PCDHAC1: variants seen among roughly 807,000 people sequenced by gnomAD.
PCDHAC1 encodes protocadherin alpha-C1.
In PCDHAC1, 42 loss-of-function variants were observed where a neutral mutation model predicts 60.0. The observed-to-expected ratio is 0.70, with a 90% CI of 0.55 to 0.90. The LOEUF (loss-of-function observed/expected upper bound fraction) is 0.90. Ranked by LOEUF, PCDHAC1 falls within the 40% of genes least tolerant of loss-of-function variation. PCDHAC1 has a pLI of 0.00. For missense variants in PCDHAC1, 1,160 were observed against 1,222.3 expected, an observed-to-expected ratio of 0.95 and a Z score of 0.76; for synonymous variants, 468 against 499.3, an observed-to-expected ratio of 0.94 and a Z score of 0.84.
intron 1 of PCDHAC1, among the ~76,000 whole-genome samples, chr5:140,956,672 G>A (rs571890845): frequency 1.3e-5 from 2 of 152,242 alleles, no homozygotes; most frequent in Admixed American, 1.3e-4. Context: ...AAAGGAGTTA[G>A]GGAGGAGTAC....
At chr5:140,993,123 C>G (rs925185301) in intron 3 of PCDHAC1, among the ~76,000 whole-genome samples, 1 of 152,180 alleles carries the variant, frequency 6.6e-6, no homozygotes, top group African/African-American at 2.4e-5. Context: ...ACATCAATTT[C>G]CTTCTGTTGC....
chr5:140,985,357 C>T (rs577732404), intron 3 of PCDHAC1, among the ~76,000 whole-genome samples: 1 of 152,298 alleles, frequency 6.6e-6, no homozygotes, highest in East Asian at 1.9e-4. Flanking sequence ...TATAGACCCT[C>T]TGAGGTTATC....
chr5:140,972,294 C>T (rs944183626), intron 1 of PCDHAC1, among the ~76,000 whole-genome samples: 14 of 151,458 alleles, frequency 9.2e-5, no homozygotes, highest in South Asian at 2.1e-4. Context: ...TGTGCGCCAC[C>T]GTGTCTGACT....
chr5:140,982,154 G>A (rs1304368371), intron 2 of PCDHAC1, among the ~76,000 whole-genome samples: 3 of 152,210 alleles, frequency 2.0e-5, no homozygotes, highest in East Asian at 1.9e-4. Flanking sequence ...CTTCAGTATC[G>A]AGATGTTAAA....
intron 1 of PCDHAC1, among the ~76,000 whole-genome samples, chr5:140,947,889 A>G (rs1275614644): frequency 1.3e-5 from 2 of 151,626 alleles, no homozygotes; most frequent in Non-Finnish European, 3.0e-5. Flanking sequence ...CAATATAAAC[A>G]GAAGTGGTGA....
intron 1 of PCDHAC1, among the ~76,000 whole-genome samples, chr5:140,965,140 TG>T (rs1191631396): frequency 2.0e-5 from 3 of 152,150 alleles, no homozygotes; most frequent in Non-Finnish European, 4.4e-5. Flanking sequence ...GACAGAATAC[TG>T]GGAGATGAAG....
chr5:140,994,017 T>C (rs2153920554), intron 3 of PCDHAC1, among the ~76,000 whole-genome samples: 1 of 152,336 alleles, frequency 6.6e-6, no homozygotes, highest in South Asian at 2.1e-4. Flanking sequence ...TTCTAGGTGA[T>C]GCAGATATAA....
chr5:141,006,789 CT>C (rs2098288759), intron 3 of PCDHAC1, among the ~76,000 whole-genome samples: 2 of 152,026 alleles, frequency 1.3e-5, no homozygotes, highest in Admixed American at 6.5e-5. Flanking sequence ...GAATAATTAG[CT>C]TTGAACTTTC....
At chr5:141,006,188 A>C (rs1319299509) in intron 3 of PCDHAC1, among the ~76,000 whole-genome samples, 2 of 150,182 alleles carry the variant, frequency 1.3e-5, no homozygotes, top group Admixed American at 6.7e-5. Flanking sequence ...AGAGTTTGCT[A>C]TATGTATGTT....
chr5:141,006,872 G>T (rs1211849672), intron 3 of PCDHAC1, among the ~76,000 whole-genome samples: 1 of 152,144 alleles, frequency 6.6e-6, no homozygotes, highest in Non-Finnish European at 1.5e-5. Flanking sequence ...ATAGATTCGA[G>T]GAATCAAGAG....
rs202032784 is a variant in PCDHAC1, at chr5:140,927,180, C to T, written c.288C>T (p.Thr96=). The change falls in exon 1 of 4, where the codon ACC becomes ACT. Residue 96 remains threonine (T), a synonymous_variant. Coordinates refer to ENST00000253807, the MANE Select transcript of PCDHAC1 (RefSeq NM_018898.5). ...LCRAKAACVL[T]YDLVLEDPLE... ...GGGCCAAAGCTGCCTGCGTCTTGAC[C>T]TACGACCTGGTGCTCGAGGACCCGC... is the stretch of plus-strand genomic sequence containing the variant. 5 of 1,614,048 alleles carry T rather than the reference C, an allele frequency of 3.1e-6. No homozygotes were observed. The South Asian group carries it at 3.3e-5, about 11-fold the overall frequency.
chr5:140,992,465 C>G (rs1554252929), intron 3 of PCDHAC1, among the ~76,000 whole-genome samples: 2 of 152,162 alleles, frequency 1.3e-5, no homozygotes. Flanking sequence ...GGACAGTACT[C>G]TTTAGATCAC....
intron 1 of PCDHAC1, among the ~76,000 whole-genome samples, chr5:140,940,491 C>A (rs1554213409): frequency 6.6e-6 from 1 of 151,752 alleles, no homozygotes; most frequent in Admixed American, 6.6e-5. Context: ...CAAGACAAGT[C>A]TTGCTCCGTC....
rs782594719 is a variant in PCDHAC1 at position 140,927,839 on chromosome 5, G to T, written c.947G>T (p.Gly316Val). ...GCATACATTGAGGCGAGGGACGAAG[G>T]TGTCTTTGGTTTAGCTAGCACCGCT... ...LEAYIEARDE[G>V]VFGLASTAKL... is the part of the protein sequence containing the mutation. The change falls in exon 1 of 4, where the codon GGT becomes GTT. Residue 316 changes from glycine (G) to valine (V), a missense_variant. Around this residue, in one of 3 missense-constraint regions of PCDHAC1, gnomAD observed 1,113 missense variants for 1,163.7 expected, o/e 0.96. Transcript: ENST00000253807. 6.2e-7 allele frequency: 1 copy of T among 1,614,208 alleles called. No individual in the cohort carries two copies. The highest frequency in any genetic ancestry group is 1.1e-5 in the South Asian group (1 of 91,084).
At chr5:140,949,783 G>A (rs1181020228) in intron 1 of PCDHAC1, among the ~76,000 whole-genome samples, 1 of 151,784 alleles carries the variant, frequency 6.6e-6, no homozygotes, top group Non-Finnish European at 1.5e-5. Context: ...GATATGTTTA[G>A]ATTTGTGTCC....
chr5:140,968,355 G>C lies in PCDHAC1; in HGVS notation c.2434-10594G>C. On this transcript the variant is annotated intron_variant, in intron 1 of 3. Transcript: ENST00000253807. ...GTCTCCATTAACAGTGCCAGTGGCA[G>C]CCTTTATGCTGTCAACTCCTTTGAC... 1 of 1,614,080 alleles carries C rather than the reference G, an allele frequency of 6.2e-7. No individual in the cohort carries two copies. The highest frequency in any genetic ancestry group is 8.5e-7 in the Non-Finnish European group (1 of 1,180,010).
intron 1 of PCDHAC1, among the ~76,000 whole-genome samples, chr5:140,944,577 C>G (rs2093670906): frequency 6.6e-6 from 1 of 152,270 alleles, no homozygotes; most frequent in Admixed American, 6.5e-5. Flanking sequence ...CTGTAGAGAT[C>G]ACTTCAGAAT....
At chr5:140,964,174 A>G (rs1187603456) in intron 1 of PCDHAC1, among the ~76,000 whole-genome samples, 2 of 152,250 alleles carry the variant, frequency 1.3e-5, no homozygotes, top group African/African-American at 4.8e-5. Flanking sequence ...GAACGAAATC[A>G]TTATAGTGCC....
chr5:141,010,438 CA>C lies in PCDHAC1; in HGVS notation c.*504del. ...TACAAGGAAGGCAAGAAAACAAAGA[CA>C]AATAAACAGCGGAAGTTATCAGTAT... On this transcript the variant is annotated 3_prime_UTR_variant, in exon 4 of 4. Transcript: ENST00000253807. 1.0e-6 allele frequency: 1 copy of C among 998,926 alleles called. No individual in the cohort carries two copies. The highest frequency in any genetic ancestry group is 1.4e-6 in the Non-Finnish European group (1 of 704,790). The allele number at this position is 998,926 out of a possible 1,614,324, so 61.9% of individuals were successfully genotyped here.
Sources: gnomAD v4.1 joint callset for allele counts (sites outside exome capture counted in the v4.1 genomes callset) on GRCh38, gnomAD v4.1.1 for gene constraint, gnomAD v4.1.1 regional missense constraint, MANE v1.5 for transcripts, NCBI Gene and HGNC (gene_info 2026-07-23, HGNC 2026-07-21) for gene names.